The following KAT6A variants were observed in gnomAD, a reference collection of about 807,000 sequenced individuals.
KAT6A encodes the protein lysine acetyltransferase 6A.
In KAT6A, 9 loss-of-function variants were observed where a neutral mutation model predicts 198.4. That is an observed-to-expected ratio of 0.05 (90% confidence interval 0.03 to 0.08). KAT6A has a LOEUF of 0.08. KAT6A is among the 10% of genes least tolerant of loss of function. KAT6A has a pLI of 1.00. For synonymous variants in KAT6A, 890 were observed against 883.0 expected (o/e 1.01, Z -0.14); for missense variants, 2,077 against 2,509.9 (o/e 0.83, Z 3.69).
At chr8:42,050,706 G>A (rs890070581) in intron 1 of KAT6A, among the ~76,000 whole-genome samples, 5 of 152,128 alleles carry the variant, frequency 3.3e-5, no homozygotes, top group Non-Finnish European at 7.3e-5. Flanking sequence ...TCATTATACA[G>A]ATATTAAGTC....
chr8:42,031,509 T>C (rs947269260), intron 2 of KAT6A, among the ~76,000 whole-genome samples: 1 of 151,924 alleles, frequency 6.6e-6, no homozygotes, highest in African/African-American at 2.4e-5. Context: ...AAAAACACTC[T>C]ATGGGCATCG....
intron 2 of KAT6A, among the ~76,000 whole-genome samples, chr8:42,044,520 G>C (rs1185830949): frequency 6.6e-6 from 1 of 151,982 alleles, no homozygotes; most frequent in Non-Finnish European, 1.5e-5. Flanking sequence ...CAACACAGTT[G>C]ATCTCCCAAA....
chr8:42,005,822 T>C (rs576249002), intron 2 of KAT6A, among the ~76,000 whole-genome samples: 2 of 150,248 alleles, frequency 1.3e-5, no homozygotes, highest in African/African-American at 2.4e-5. Context: ...TCCCCATCCA[T>C]CCATCCATCC....
rs762300661 is a variant in KAT6A, at chr8:41,941,438, T to C, written c.2443A>G (p.Lys815Glu). ...QERELEISVG[K>E]SVSHENKEQD... Reference sequence around the variant, plus strand: ...TCTTTGTTCTCATGAGACACAGACTTTCCCACCTGATTTTAGAAAATAAAA... The same window carrying C: ...TCTTTGTTCTCATGAGACACAGACTCTCCCACCTGATTTTAGAAAATAAAA... Residue 815 changes from lysine (K) to glutamate (E), a missense_variant, in exon 15 of 17, where the codon AAG (lysine) becomes GAG (glutamate). Lys to Glu is a moderately conservative substitution (Grantham distance 56). Around this residue, in one of 13 missense-constraint regions of KAT6A, gnomAD observed 301 missense variants for 272.2 expected, o/e 1.11. Transcript: ENST00000265713. The C allele has an allele frequency of 1.3e-6, 2 of 1,580,136 alleles. No individual in the cohort carries two copies. Among genetic ancestry groups the C allele is most frequent in the South Asian group, 2.3e-5 (2 of 86,112 alleles).
intron 6 of KAT6A, among the ~76,000 whole-genome samples, chr8:41,978,203 C>A (rs1314053468): frequency 6.6e-6 from 1 of 152,140 alleles, no homozygotes; most frequent in Non-Finnish European, 1.5e-5. Context: ...ATTTGTACAC[C>A]TAATAGATAT....
chr8:42,026,696 C>T (rs2150919239), intron 2 of KAT6A, among the ~76,000 whole-genome samples: 1 of 152,262 alleles, frequency 6.6e-6, no homozygotes, highest in Non-Finnish European at 1.5e-5. Context: ...CATATGAGAT[C>T]ATGTTGTCTG....
At chr8:42,051,230 C>G (rs536843980) in intron 1 of KAT6A, among the ~76,000 whole-genome samples, 1 of 152,080 alleles carries the variant, frequency 6.6e-6, no homozygotes, top group East Asian at 1.9e-4. Flanking sequence ...GGCCAAGCCG[C>G]GAGGTTGACA....
At chr8:41,981,629 T>G (rs542928055) in intron 4 of KAT6A, among the ~76,000 whole-genome samples, 4 of 152,306 alleles carry the variant, frequency 2.6e-5, no homozygotes, top group African/African-American at 9.6e-5. Flanking sequence ...AAATATATAA[T>G]TAAGTGCTTT....
rs138608372 is a variant in KAT6A at position 41,975,591 on chromosome 8, T to C, written c.1364-769A>G. 1.8e-4 allele frequency among the ~76,000 whole-genome samples: 27 copies of C among 152,326 alleles called. No individual in the cohort carries two copies. The East Asian group carries it at 5.2e-3, about 29-fold the overall frequency. ...AAGAAGAAAAAAGTCAAGGACTCAC[T>C]GTTGACAACATTCTCAAACTGGAAG... On this transcript the variant is annotated intron_variant, in intron 7 of 16. Coordinates refer to ENST00000265713, the MANE Select transcript of KAT6A (RefSeq NM_006766.5).
intron 2 of KAT6A, among the ~76,000 whole-genome samples, chr8:42,002,508 C>T (rs926646656): frequency 6.6e-6 from 1 of 152,064 alleles, no homozygotes; most frequent in Admixed American, 6.6e-5. Context: ...TTGCAGTGAG[C>T]CAAGACAGCA....
intron 2 of KAT6A, among the ~76,000 whole-genome samples, chr8:42,031,287 G>A (rs1205178154): frequency 6.6e-6 from 1 of 152,078 alleles, no homozygotes; most frequent in Non-Finnish European, 1.5e-5. Context: ...TATTATATGG[G>A]TAATACAAAA....
At chr8:41,959,814 G>A (rs1823103405) in intron 8 of KAT6A, among the ~76,000 whole-genome samples, 1 of 152,040 alleles carries the variant, frequency 6.6e-6, no homozygotes, top group Non-Finnish European at 1.5e-5. Context: ...ATAATTAGCT[G>A]GGTGTATGGC....
chr8:42,013,069 A>T (rs1450616905), intron 2 of KAT6A, among the ~76,000 whole-genome samples: 1 of 151,094 alleles, frequency 6.6e-6, no homozygotes, highest in African/African-American at 2.4e-5. Flanking sequence ...ACAAAAGTCA[A>T]GTTTTTTTTT....
In KAT6A at chr8:41,992,077, T is replaced by C. The variant is rs200849347; in HGVS notation, c.601-4514A>G. 9.2e-5 allele frequency among the ~76,000 whole-genome samples: 14 copies of C among 152,176 alleles called. No homozygotes were observed. The East Asian group carries it at 2.7e-3, about 29-fold the overall frequency. The stretch of plus-strand genomic sequence containing the variant: ...TTATCCGGGTACGGTGGTGAGCACC[T>C]GTAGTCCCAGCTACTTGAGAGGGTG... On this transcript the variant is annotated intron_variant, in intron 2 of 16. Coordinates refer to ENST00000265713, the MANE Select transcript of KAT6A (RefSeq NM_006766.5).
At chr8:41,986,692 T>C (rs1291548235) in intron 3 of KAT6A, among the ~76,000 whole-genome samples, 1 of 152,136 alleles carries the variant, frequency 6.6e-6, no homozygotes, top group Non-Finnish European at 1.5e-5. Context: ...CCTAAAACCA[T>C]AATCAAATTA....
Position 42,000,564 on chromosome 8 carries a change from A to G in KAT6A, c.601-13001T>C, listed in dbSNP as rs142386289. On this transcript the variant is annotated intron_variant, in intron 2 of 16. Transcript: ENST00000265713. ...AGACTCCATCTCAAAAAAACAGAAG[A>G]AAAAAAAAAGAAAAAAAAGTGATGT... Among the ~76,000 whole-genome samples, 1,207 of 148,228 alleles carry G rather than the reference A, an allele frequency of 8.1e-3. 16 individuals are homozygous for G. Among genetic ancestry groups the G allele is most frequent in the African/African-American group, 0.027 (1,101 of 40,172 alleles).
chr8:42,017,202 C>A (rs1005480519), intron 2 of KAT6A, among the ~76,000 whole-genome samples: 4 of 152,282 alleles, frequency 2.6e-5, no homozygotes, highest in Non-Finnish European at 4.4e-5. Flanking sequence ...CTGAATGAAT[C>A]CCCCGCACGT....
At chr8:42,047,888 A>C (rs1156879897) in intron 2 of KAT6A, among the ~76,000 whole-genome samples, 1 of 152,106 alleles carries the variant, frequency 6.6e-6, no homozygotes, top group African/African-American at 2.4e-5. Flanking sequence ...GGTCATGAGA[A>C]TCTGTCTCAT....
chr8:41,977,776 C>T (rs557273906), intron 6 of KAT6A, among the ~76,000 whole-genome samples: 47 of 152,174 alleles, frequency 3.1e-4, no homozygotes, highest in Middle Eastern at 3.4e-3. Context: ...GGTTATTCTT[C>T]GAAGGCCAGG....
Sources: allele counts gnomAD v4.1 joint callset (sites outside exome capture counted in the v4.1 genomes callset), GRCh38; gene constraint gnomAD v4.1.1; regional missense constraint gnomAD v4.1.1; transcripts MANE v1.5; gene names NCBI Gene and HGNC (gene_info 2026-07-23, HGNC 2026-07-21).